Variants in EBF2 observed in about 807,000 individuals in gnomAD.
EBF2 encodes transcription factor COE2.
In EBF2, 21 loss-of-function variants were observed where a neutral mutation model predicts 72.8. The observed-to-expected ratio is 0.29, with a 90% CI of 0.20 to 0.42. The LOEUF (loss-of-function observed/expected upper bound fraction) is 0.42, where lower values mean the gene tolerates loss of function less well. Ranked by LOEUF, EBF2 falls within the 10% of genes least tolerant of loss-of-function variation. The probability of loss-of-function intolerance (pLI) is 1.00; values close to 1 mark genes in which losing one functional copy is unlikely to be tolerated. For missense variants in EBF2, 637 were observed against 731.2 expected (o/e 0.87, Z 1.49); for synonymous variants, 299 against 274.2 (o/e 1.09, Z -0.89).
In EBF2 at chr8:25,857,313, G is replaced by A. The variant is rs566394236; in HGVS notation, c.1528+1006C>T. On this transcript the variant is annotated intron_variant, in intron 14 of 15. Transcript: ENST00000520164. ...TAATCCAGAAATAGCTCATAGGTGT[G>A]TCTCCCCAGGGAACCAAAAGTCCAA... Among the ~76,000 whole-genome samples the A allele has an allele frequency of 2.4e-4, 36 of 152,146 alleles. No homozygotes were observed. The East Asian group carries it at 6.2e-3, about 26-fold the overall frequency.
At chr8:25,868,238 G>A (rs900073277) in intron 10 of EBF2, among the ~76,000 whole-genome samples, 1 of 152,152 alleles carries the variant, frequency 6.6e-6, no homozygotes, top group Non-Finnish European at 1.5e-5. Context: ...AACTGCCCTG[G>A]ATTTTAAAAG....
rs114459175 is a variant in EBF2, at chr8:26,027,181, C to T, written c.551+5904G>A. Among the ~76,000 whole-genome samples, 416 of 152,272 alleles carry T rather than the reference C, an allele frequency of 2.7e-3. 5 individuals are homozygous for T. Among genetic ancestry groups the T allele is most frequent in the African/African-American group, 9.1e-3 (377 of 41,536 alleles). On this transcript the variant is annotated intron_variant, in intron 6 of 15. Coordinates refer to ENST00000520164, the MANE Select transcript of EBF2 (RefSeq NM_022659.4). ...ACTACTACCCAAATTCTATCTCTAC[C>T]ATGATTCTCTAAAAGTTTCCGTCCC...
intron 15 of EBF2, among the ~76,000 whole-genome samples, chr8:25,845,423 G>A (rs886527498): frequency 9.9e-5 from 15 of 152,052 alleles, no homozygotes; most frequent in African/African-American, 3.4e-4. Context: ...ATGGGGTTTC[G>A]CCATGTTGGC....
rs752643063 is a variant in EBF2 at position 25,862,724 on chromosome 8, A to C, written c.1083T>G (p.Pro361=). 1.8e-5 allele frequency: 28 copies of C among 1,597,046 alleles called. No individual in the cohort carries two copies. The highest frequency in any genetic ancestry group is 3.3e-4 in the Middle Eastern group (2 of 6,030). The change falls in exon 11 of 16, where the codon CCT becomes CCG. Residue 361 remains proline (P), a synonymous_variant. Transcript: ENST00000520164. ...QKVIPRHPGD[P]ERLAKEMLLK... ...AGCACATTACCTTAGCTAATCTCTC[A>C]GGATCTCCAGGATGCCTAGGGATGA...
intron 5 of EBF2, among the ~76,000 whole-genome samples, chr8:26,033,582 G>A (rs1176245919): frequency 6.6e-6 from 1 of 152,150 alleles, no homozygotes; most frequent in Non-Finnish European, 1.5e-5. Flanking sequence ...ACACACACTG[G>A]GGCCTGTCCG....
intron 6 of EBF2, among the ~76,000 whole-genome samples, chr8:25,991,416 C>T (rs551463702): frequency 1.4e-3 from 206 of 152,340 alleles, no homozygotes; most frequent in Admixed American, 4.2e-3. Flanking sequence ...AGGAACTGAA[C>T]TGGAAGACTT....
chr8:25,949,835 A>G (rs1200301627), intron 6 of EBF2, among the ~76,000 whole-genome samples: 2 of 152,220 alleles, frequency 1.3e-5, no homozygotes, highest in African/African-American at 4.8e-5. Context: ...AACTTGGCCT[A>G]CTTCACAGTT....
intron 6 of EBF2, among the ~76,000 whole-genome samples, chr8:25,923,829 G>A (rs2117137500): frequency 6.6e-6 from 1 of 152,204 alleles, no homozygotes; most frequent in Admixed American, 6.5e-5. Flanking sequence ...TTTTTTAGTA[G>A]GCAAAGCTAG....
At chr8:25,964,343 T>C (rs539773781) in intron 6 of EBF2, among the ~76,000 whole-genome samples, 68 of 152,216 alleles carry the variant, frequency 4.5e-4, no homozygotes, top group Non-Finnish European at 9.0e-4. Flanking sequence ...TTAATCCAAG[T>C]ATACGTTTAG....
At chr8:25,898,837 G>T (rs529305561) in intron 7 of EBF2, among the ~76,000 whole-genome samples, 1 of 152,150 alleles carries the variant, frequency 6.6e-6, no homozygotes, top group Non-Finnish European at 1.5e-5. Flanking sequence ...CTTATTGCAG[G>T]ACTAAGAACA....
intron 6 of EBF2, among the ~76,000 whole-genome samples, chr8:25,947,586 G>A (rs1437565426): frequency 6.6e-6 from 1 of 152,172 alleles, no homozygotes; most frequent in African/African-American, 2.4e-5. Context: ...ACCTTTGCTT[G>A]GCCTAGGAGT....
chr8:25,953,901 G>A (rs1264359481), intron 6 of EBF2, among the ~76,000 whole-genome samples: 1 of 152,172 alleles, frequency 6.6e-6, no homozygotes, highest in African/African-American at 2.4e-5. Context: ...CTAGGAAACT[G>A]AGCCTCCCAG....
At chr8:25,882,840 A>G (rs1049069272) in intron 10 of EBF2, among the ~76,000 whole-genome samples, 3 of 152,250 alleles carry the variant, frequency 2.0e-5, no homozygotes, top group Non-Finnish European at 4.4e-5. Flanking sequence ...ACTTGTCTCC[A>G]ATAGCCTGAG....
At position 25,944,293 on chromosome 8, in the gene EBF2, T is replaced by A. The variant is rs140795361; in HGVS notation, c.552-35738A>T. Among the ~76,000 whole-genome samples the A allele has an allele frequency of 4.3e-3, 651 of 152,194 alleles. 8 individuals carry two copies. The highest frequency in any genetic ancestry group is 0.014 in the African/African-American group (589 of 41,508). ...ATAACCTAGCATTCCACCAAAGTGA[T>A]CTCCCTCATCTCTAGACTTGTAAGA... On this transcript the variant is annotated intron_variant, in intron 6 of 15. Transcript: ENST00000520164.
Position 25,844,538 on chromosome 8 carries a change from GCTC to G in EBF2, c.*68_*70del, listed in dbSNP as rs372584193. On this transcript the variant is annotated 3_prime_UTR_variant, in exon 16 of 16. Transcript: ENST00000520164. ...GGGGCACCACTACACCCCCAAAAGA[GCTC>G]CTAGTGCTTTCTTCATTATTGGTCC... 41 of 1,573,532 alleles carry G rather than the reference GCTC, an allele frequency of 2.6e-5. No homozygotes were observed. The African/African-American group carries it at 3.4e-4, about 13-fold the overall frequency.
chr8:25,997,571 CA>C (rs11302993), intron 6 of EBF2, among the ~76,000 whole-genome samples: 42,509 of 130,002 alleles, frequency 0.33, 6,888 homozygotes, highest in Admixed American at 0.43. Flanking sequence ...GATCCTATCT[CA>C]AAAAAAAAAA....
chr8:25,950,320 C>T (rs1273333840), intron 6 of EBF2, among the ~76,000 whole-genome samples: 1 of 152,248 alleles, frequency 6.6e-6, no homozygotes, highest in Non-Finnish European at 1.5e-5. Context: ...ATTAGATTTA[C>T]ACACTTTTAT....
In EBF2 at chr8:25,908,485, T is replaced by G; in HGVS notation, c.622A>C (p.Arg208=). ...LKTAGNPRDM[R]RFQVVLSTTV... is the part of the protein sequence containing the mutation. ...GCAGGGCCCCTTACCTGAAACCGTC[T>G]CATGTCCCTTGGGTTTCCTGCTGTT... Residue 208 remains arginine (R), a synonymous_variant, in exon 7 of 16, where the codon AGA becomes CGA. Transcript: ENST00000520164. 6.2e-7 allele frequency: 1 copy of G among 1,613,356 alleles called. No homozygotes were observed. Among genetic ancestry groups the G allele is most frequent in the Non-Finnish European group, 8.5e-7 (1 of 1,179,374 alleles).
At chr8:25,850,392 G>A (rs907087531) in intron 15 of EBF2, among the ~76,000 whole-genome samples, 3 of 152,222 alleles carry the variant, frequency 2.0e-5, no homozygotes, top group Non-Finnish European at 4.4e-5. Flanking sequence ...GGGATTACAG[G>A]CATGAGCCAC....
Sources: allele counts gnomAD v4.1 joint callset (sites outside exome capture counted in the v4.1 genomes callset), GRCh38; gene constraint gnomAD v4.1.1; transcripts MANE v1.5; gene names NCBI Gene and HGNC (gene_info 2026-07-23, HGNC 2026-07-21).